DCC: variants seen among roughly 807,000 people sequenced by gnomAD.
The protein encoded by DCC is DCC netrin 1 receptor.
A neutral mutation model predicts 172.5 loss-of-function variants in DCC; 58 were observed. The ratio of observed to expected loss-of-function variants is 0.34; its 90% CI spans 0.27 to 0.42. The LOEUF (loss-of-function observed/expected upper bound fraction) is 0.42, where lower values mean the gene tolerates loss of function less well. Among genes scored for constraint, DCC ranks in the 10% least tolerant of loss-of-function variants. The probability of loss-of-function intolerance (pLI) is 1.00; values close to 1 mark genes in which losing one functional copy is unlikely to be tolerated. For synonymous variants in DCC, 709 were observed against 644.5 expected (o/e 1.10, Z -1.52); for missense variants, 1,740 against 1,791.0 (o/e 0.97, Z 0.51).
intron 7 of DCC, among the ~76,000 whole-genome samples, chr18:53,079,032 C>T (rs2042762125): frequency 6.6e-6 from 1 of 152,050 alleles, no homozygotes; most frequent in African/African-American, 2.4e-5. Context: ...TGAAAATGTA[C>T]CAAAGCAGAA....
chr18:52,780,945 C>T (rs1318002975), intron 2 of DCC, among the ~76,000 whole-genome samples: 1 of 151,972 alleles, frequency 6.6e-6, no homozygotes, highest in East Asian at 1.9e-4. Context: ...TCTTTCTTCC[C>T]TCATCATTAG....
intron 5 of DCC, among the ~76,000 whole-genome samples, chr18:53,013,915 A>G (rs1256901946): frequency 6.6e-6 from 1 of 152,160 alleles, no homozygotes; most frequent in African/African-American, 2.4e-5. Flanking sequence ...GTTTCAACGA[A>G]CACAACAATA....
At position 53,217,292 on chromosome 18, in the gene DCC, CACACACACATAT is replaced by C. The variant is rs1418445400; in HGVS notation, c.1911+1696_1911+1707del. Among the ~76,000 whole-genome samples the C allele has an allele frequency of 4.1e-3, 514 of 126,168 alleles. 4 individuals carry two copies. Among genetic ancestry groups the C allele is most frequent in the African/African-American group, 0.018 (502 of 28,394 alleles). 82.8% of individuals were successfully genotyped at this position (126,168 alleles called of 152,430 possible). The stretch of plus-strand genomic sequence containing the variant: ...ACACACACACACACACACACACACA[CACACACACATAT>C]GTATATACACACACACACACACACA... On this transcript the variant is annotated intron_variant, in intron 12 of 28. Transcript: ENST00000442544.
chr18:53,462,967 CT>C (rs2045578138), intron 24 of DCC, among the ~76,000 whole-genome samples: 1 of 152,268 alleles, frequency 6.6e-6, no homozygotes, highest in African/African-American at 2.4e-5. Context: ...TCTTCAATTA[CT>C]TTTTCCTCTG....
rs530130420 is a variant in DCC, at chr18:53,393,413, G to A, written c.2688+1526G>A. 2.0e-5 allele frequency among the ~76,000 whole-genome samples: 3 copies of A among 152,248 alleles called. No individual in the cohort carries two copies. In the South Asian group the frequency reaches 6.2e-4, roughly 32 times the overall value. ...GTCTAAATAGTATCATTGTTATAAG[G>A]TATGTGGTAAGTACCCTATCCATCT... On this transcript the variant is annotated intron_variant, in intron 17 of 28. Transcript: ENST00000442544.
In DCC at chr18:53,044,078, A is replaced by G. The variant is rs113245900; in HGVS notation, c.986-19227A>G. Among the ~76,000 whole-genome samples the G allele has an allele frequency of 1.4e-3, 217 of 152,032 alleles. 2 individuals are homozygous for G. Among genetic ancestry groups the G allele is most frequent in the African/African-American group, 5.1e-3 (213 of 41,536 alleles). Reference sequence around the variant, plus strand: ...TTGCCTACTAATATCCGGATTATTGAAGAATTAATAAGGAGGTATTACCTT... The same window carrying G: ...TTGCCTACTAATATCCGGATTATTGGAGAATTAATAAGGAGGTATTACCTT... On this transcript the variant is annotated intron_variant, in intron 5 of 28. Transcript: ENST00000442544.
At chr18:52,567,899 A>T (rs1350217200) in intron 1 of DCC, among the ~76,000 whole-genome samples, 1 of 152,174 alleles carries the variant, frequency 6.6e-6, no homozygotes, top group Non-Finnish European at 1.5e-5. Flanking sequence ...TAACTATTCA[A>T]ATTTATACTT....
chr18:53,185,795 A>T (rs1190352771), intron 9 of DCC, among the ~76,000 whole-genome samples: 1 of 152,238 alleles, frequency 6.6e-6, no homozygotes, highest in Non-Finnish European at 1.5e-5. Context: ...CACTAAAAAC[A>T]GCTTTCACAG....
intron 5 of DCC, among the ~76,000 whole-genome samples, chr18:52,947,869 G>A (rs1339587732): frequency 1.3e-5 from 2 of 152,024 alleles, no homozygotes; most frequent in Non-Finnish European, 2.9e-5. Context: ...AAACCTTGAG[G>A]AGAGGACACT....
intron 3 of DCC, among the ~76,000 whole-genome samples, chr18:52,911,615 C>T (rs1598922110): frequency 6.6e-6 from 1 of 151,904 alleles, no homozygotes; most frequent in Non-Finnish European, 1.5e-5. Context: ...GATGATTGGG[C>T]ATTGCTGAAG....
intron 22 of DCC, among the ~76,000 whole-genome samples, chr18:53,439,401 C>A (rs1022256308): frequency 8.5e-5 from 13 of 152,138 alleles, no homozygotes; most frequent in African/African-American, 3.1e-4. Context: ...AGTTTTTAAA[C>A]CTTGTATACA....
intron 21 of DCC, among the ~76,000 whole-genome samples, chr18:53,428,410 C>T (rs1321585234): frequency 1.2e-4 from 4 of 32,764 alleles, no homozygotes; most frequent in Non-Finnish European, 2.3e-4. Flanking sequence ...TAATATATTA[C>T]ATATATAATA....
At chr18:52,943,135 C>A (rs941388501) in intron 5 of DCC, among the ~76,000 whole-genome samples, 10 of 151,982 alleles carry the variant, frequency 6.6e-5, no homozygotes, top group Non-Finnish European at 1.2e-4. Context: ...AATTTTAGTG[C>A]AACTCAGAAG....
chr18:53,263,216 A>T (rs1459646229), intron 12 of DCC, among the ~76,000 whole-genome samples: 1 of 152,160 alleles, frequency 6.6e-6, no homozygotes, highest in Admixed American at 6.5e-5. Context: ...CAGTGGTGTG[A>T]TCTCAGCTCA....
At chr18:52,743,799 T>C (rs1041982087) in intron 1 of DCC, among the ~76,000 whole-genome samples, 4 of 152,226 alleles carry the variant, frequency 2.6e-5, no homozygotes, top group African/African-American at 7.2e-5. Context: ...ATCTTACCTT[T>C]ATATTTCCAA....
At chr18:52,505,405 G>A (rs2031193573) in intron 1 of DCC, among the ~76,000 whole-genome samples, 1 of 152,166 alleles carries the variant, frequency 6.6e-6, no homozygotes, top group Admixed American at 6.6e-5. Context: ...CTACAGAATA[G>A]TTAAGATTTC....
intron 21 of DCC, among the ~76,000 whole-genome samples, chr18:53,429,959 C>T (rs2879527): frequency 0.43 from 65,640 of 151,854 alleles, 15,973 homozygotes; most frequent in Non-Finnish European, 0.56. Context: ...TTTTGATGCC[C>T]GATGCCTTTG....
At chr18:52,971,466 A>C (rs2041028748) in intron 5 of DCC, among the ~76,000 whole-genome samples, 1 of 151,900 alleles carries the variant, frequency 6.6e-6, no homozygotes, top group African/African-American at 2.4e-5. Context: ...CAAGTTGACA[A>C]TATCGCCTTG....
intron 1 of DCC, among the ~76,000 whole-genome samples, chr18:52,644,840 GGAGGGAGGGAAGGAAGGAGAAAAAA>G (rs1568271865): frequency 6.6e-6 from 1 of 150,402 alleles, no homozygotes; most frequent in African/African-American, 2.5e-5. Flanking sequence ...AGGGAGGGAA[GGAGGGAGGGAAGGAAGGAGAAAAAA>G]TAGAAAAACA....
Sources: gnomAD v4.1 joint callset for allele counts (sites outside exome capture counted in the v4.1 genomes callset) on GRCh38, gnomAD v4.1.1 for gene constraint, MANE v1.5 for transcripts, NCBI Gene and HGNC (gene_info 2026-07-23, HGNC 2026-07-21) for gene names.